The following SCAI variants were observed in gnomAD, a reference collection of about 807,000 sequenced individuals.
SCAI encodes the protein protein SCAI.
SCAI carries 24 observed loss-of-function variants against 92.2 expected under a neutral mutation model. The observed-to-expected ratio is 0.26, with a 90% confidence interval of 0.19 to 0.37. SCAI has a LOEUF of 0.37. SCAI is among the 10% of genes least tolerant of loss of function. The probability of loss-of-function intolerance (pLI) is 1.00; values close to 1 mark genes in which losing one functional copy is unlikely to be tolerated. For missense variants in SCAI, 450 were observed against 736.2 expected (o/e 0.61, Z 4.50); for synonymous variants, 261 against 258.6 (o/e 1.01, Z -0.09).
chr9:125,088,240 T>G (rs559885828), intron 2 of SCAI, among the ~76,000 whole-genome samples: 8 of 152,190 alleles, frequency 5.3e-5, no homozygotes, highest in African/African-American at 1.7e-4. Flanking sequence ...GAACTACAGA[T>G]GCACACCACC....
chr9:125,118,938 T>G (rs1480095653), intron 2 of SCAI, among the ~76,000 whole-genome samples: 2 of 152,222 alleles, frequency 1.3e-5, no homozygotes, highest in Admixed American at 6.5e-5. Flanking sequence ...ATTTTCTTTA[T>G]CCAGTCTATC....
intron 2 of SCAI, among the ~76,000 whole-genome samples, chr9:125,078,870 C>CTCCA (rs1490892809): frequency 6.6e-6 from 1 of 152,156 alleles, no homozygotes; most frequent in Non-Finnish European, 1.5e-5. Context: ...TACCACTGTA[C>CTCCA]TCCAGCCTGG....
intron 2 of SCAI, among the ~76,000 whole-genome samples, chr9:125,141,351 C>G (rs2131279569): frequency 6.6e-6 from 1 of 152,222 alleles, no homozygotes; most frequent in Non-Finnish European, 1.5e-5. Flanking sequence ...ATTAACTTGC[C>G]AGATATTAAC....
chr9:125,112,182 C>T (rs1367411576), intron 2 of SCAI, among the ~76,000 whole-genome samples: 1 of 152,122 alleles, frequency 6.6e-6, no homozygotes, highest in African/African-American at 2.4e-5. Flanking sequence ...CTAGTGATGA[C>T]AGCCCTAAAC....
chr9:124,982,666 T>C (rs1831909918), intron 14 of SCAI, among the ~76,000 whole-genome samples: 1 of 121,156 alleles, frequency 8.3e-6, no homozygotes, highest in Admixed American at 1.0e-4. Flanking sequence ...GGCAACAGAG[T>C]GCGACTCTGT....
intron 2 of SCAI, among the ~76,000 whole-genome samples, chr9:125,092,131 T>TACAAAA (rs1834441359): frequency 1.6e-5 from 1 of 61,104 alleles, no homozygotes; most frequent in African/African-American, 6.1e-5. Flanking sequence ...CTCCGTCTCT[T>TACAAAA]AAAAAAAAAA....
chr9:125,007,040 A>C (rs1832525373), intron 9 of SCAI, among the ~76,000 whole-genome samples: 1 of 152,044 alleles, frequency 6.6e-6, no homozygotes, highest in Admixed American at 6.6e-5. Context: ...AATCAACTGA[A>C]CCAGGGAGGC....
chr9:124,963,078 C>A (rs934629008), intron 17 of SCAI, among the ~76,000 whole-genome samples: 2 of 150,958 alleles, frequency 1.3e-5, no homozygotes, highest in Non-Finnish European at 2.9e-5. Context: ...GGATTACAGG[C>A]GTGAGCCACC....
intron 2 of SCAI, among the ~76,000 whole-genome samples, chr9:125,066,558 C>T (rs1264842537): frequency 6.6e-6 from 1 of 152,052 alleles, no homozygotes; most frequent in Admixed American, 6.5e-5. Flanking sequence ...CGGGTTCACA[C>T]CATTCTCCTG....
intron 14 of SCAI, among the ~76,000 whole-genome samples, chr9:124,983,304 C>T (rs922475869): frequency 6.6e-6 from 1 of 151,986 alleles, no homozygotes; most frequent in Non-Finnish European, 1.5e-5. Flanking sequence ...GTAAACAAAA[C>T]AGAAAAAACT....
At chr9:124,956,756 G>T (rs75711685) in intron 17 of SCAI, among the ~76,000 whole-genome samples, 2 of 152,208 alleles carry the variant, frequency 1.3e-5, no homozygotes, top group Admixed American at 1.3e-4. Flanking sequence ...TCAGGAAGAA[G>T]GCAAGGATGT....
chr9:125,053,868 T>C (rs600310), intron 3 of SCAI, among the ~76,000 whole-genome samples: 48,369 of 152,112 alleles, frequency 0.32, 7,985 homozygotes, highest in Middle Eastern at 0.41. Context: ...CTATTATAAC[T>C]ATGTCAGTGT....
chr9:125,012,699 T>C (rs1832665066), intron 9 of SCAI, among the ~76,000 whole-genome samples: 2 of 151,944 alleles, frequency 1.3e-5, no homozygotes, highest in South Asian at 4.2e-4. Flanking sequence ...TCTACAGAAC[T>C]CTCCACCCCA....
chr9:125,053,471 A>G (rs1833604350), intron 3 of SCAI, among the ~76,000 whole-genome samples: 1 of 152,272 alleles, frequency 6.6e-6, no homozygotes, highest in South Asian at 2.1e-4. Flanking sequence ...ACAATGGAAT[A>G]TTAATCACTA....
chr9:125,130,392 T>C (rs542531692), intron 2 of SCAI, among the ~76,000 whole-genome samples: 34 of 152,254 alleles, frequency 2.2e-4, no homozygotes, highest in African/African-American at 7.2e-4. Context: ...CTGTTCTATA[T>C]TATGATTATA....
At chr9:125,015,771 G>C (rs1377592884) in intron 9 of SCAI, among the ~76,000 whole-genome samples, 3 of 152,022 alleles carry the variant, frequency 2.0e-5, no homozygotes, top group African/African-American at 7.3e-5. Flanking sequence ...CAAAGACTTG[G>C]AATCAACCCA....
chr9:125,079,596 C>T (rs976236384), intron 2 of SCAI, among the ~76,000 whole-genome samples: 3 of 151,670 alleles, frequency 2.0e-5, no homozygotes, highest in Non-Finnish European at 4.4e-5. Flanking sequence ...TTTTTTTAAC[C>T]TACCTTAATT....
At chr9:125,099,940 C>T (rs866484474) in intron 2 of SCAI, among the ~76,000 whole-genome samples, 5 of 152,350 alleles carry the variant, frequency 3.3e-5, no homozygotes, top group African/African-American at 4.8e-5. Flanking sequence ...CCATCTATAT[C>T]AATGGACATC....
chr9:125,015,849 C>T (rs1239909208), intron 9 of SCAI, among the ~76,000 whole-genome samples: 2 of 151,780 alleles, frequency 1.3e-5, no homozygotes, highest in African/African-American at 4.8e-5. Flanking sequence ...ACTATGCGGC[C>T]ATAAAAAAGG....
Sources: allele counts gnomAD v4.1 joint callset (sites outside exome capture counted in the v4.1 genomes callset), GRCh38; gene constraint gnomAD v4.1.1; transcripts MANE v1.5; gene names NCBI Gene and HGNC (gene_info 2026-07-23, HGNC 2026-07-21).